The following THSD4 variants were observed in gnomAD, a reference collection of about 807,000 sequenced individuals.
The protein encoded by THSD4 is thrombospondin type 1 domain containing 4.
Under a neutral mutation model 119.0 loss-of-function variants are expected in THSD4, and 69 were observed. The ratio of observed to expected loss-of-function variants is 0.58; its 90% CI spans 0.48 to 0.71. The LOEUF is 0.71. THSD4 is among the 30% of genes least tolerant of loss of function. THSD4 has a pLI of 0.00. For synonymous variants in THSD4, 524 were observed against 540.4 expected, an observed-to-expected ratio of 0.97 and a Z score of 0.42; for missense variants, 1,393 against 1,391.1, an observed-to-expected ratio of 1.00 and a Z score of -0.02.
At chr15:71,242,576 G>A (rs773540814) in intron 4 of THSD4, 73 bp from the exon 5 acceptor site, 58 of 1,513,708 alleles carry the variant, frequency 3.8e-5, no homozygotes, top group East Asian at 1.4e-4. Context: ...TCTCTACCAC[G>A]GACCAGAGCT....
chr15:71,161,831 G>A (rs1309676751), intron 3 of THSD4, among the ~76,000 whole-genome samples: 2 of 151,634 alleles, frequency 1.3e-5, no homozygotes, highest in Non-Finnish European at 1.5e-5. Context: ...TTCCTTGCTT[G>A]TTTACATGTG....
At chr15:71,579,136 C>T (rs948192652) in intron 7 of THSD4, among the ~76,000 whole-genome samples, 4 of 152,184 alleles carry the variant, frequency 2.6e-5, no homozygotes, top group African/African-American at 9.7e-5. Context: ...AGTGCATTAA[C>T]TTTTTAATCA....
At position 71,477,081 on chromosome 15, in the gene THSD4, A is replaced by G. The variant is rs1021102506; in HGVS notation, c.1152+65258A>G. On this transcript the variant is annotated intron_variant, in intron 7 of 17. Transcript: ENST00000261862. ...GCACTGTTCACCAAGGTAAACATAC[A>G]GATAATTTGCAGTACAGTTCCTGAT... Among the ~76,000 whole-genome samples, 4 of 152,334 alleles carry G rather than the reference A, an allele frequency of 2.6e-5. No homozygotes were observed. The South Asian group carries it at 6.2e-4, about 24-fold the overall frequency.
In THSD4 at chr15:71,228,534, G is replaced by T. The variant is rs569931545; in HGVS notation, c.464+13135G>T. The stretch of plus-strand genomic sequence containing the variant: ...TACAGAAACTAATGCACTGTAAGAG[G>T]CTCTGAGCTAAACCTCATAGGACCC... On this transcript the variant is annotated intron_variant, in intron 4 of 17. Coordinates refer to ENST00000261862, the MANE Select transcript of THSD4 (RefSeq NM_024817.3). Among the ~76,000 whole-genome samples the T allele has an allele frequency of 3.6e-4, 55 of 152,324 alleles. 1 individual carries two copies. The highest frequency in any genetic ancestry group is 1.3e-3 in the African/African-American group (55 of 41,568).
intron 3 of THSD4, among the ~76,000 whole-genome samples, chr15:71,207,009 G>A (rs73433416): frequency 0.027 from 4,032 of 152,066 alleles, 188 homozygotes; most frequent in African/African-American, 0.093. Context: ...TCATGGTGTC[G>A]TTATAAGTTT....
At chr15:71,584,911 A>G (rs1368737967) in intron 7 of THSD4, among the ~76,000 whole-genome samples, 1 of 152,146 alleles carries the variant, frequency 6.6e-6, no homozygotes, top group African/African-American at 2.4e-5. Context: ...AAAACATCTT[A>G]TATCTATAAT....
chr15:71,473,261 T>C (rs1158215180), intron 7 of THSD4, among the ~76,000 whole-genome samples: 1 of 152,134 alleles, frequency 6.6e-6, no homozygotes, highest in Non-Finnish European at 1.5e-5. Flanking sequence ...TTTTGTTATG[T>C]TGCCCAGCCT....
At position 71,714,113 on chromosome 15, in the gene THSD4, C is replaced by T. The variant is rs913352977; in HGVS notation, c.1358-14436C>T. Among the ~76,000 whole-genome samples the T allele has an allele frequency of 2.0e-5, 3 of 152,064 alleles. No individual in the cohort carries two copies. The East Asian group carries it at 5.8e-4, about 29-fold the overall frequency. ...TGACATTATTTTTAATTGCAAAAAC[C>T]GTGATTACTTTTGCACCAACCTTAA... On this transcript the variant is annotated intron_variant, in intron 8 of 17. Coordinates refer to ENST00000261862, the MANE Select transcript of THSD4 (RefSeq NM_024817.3).
At chr15:71,132,505 TAAAC>T (rs1048341783) in intron 1 of THSD4, among the ~76,000 whole-genome samples, 12 of 152,272 alleles carry the variant, frequency 7.9e-5, no homozygotes, top group African/African-American at 2.6e-4. Context: ...ATAGAAAAAA[TAAAC>T]AAGAACATCA....
chr15:71,666,748 G>A (rs781031961), intron 8 of THSD4, among the ~76,000 whole-genome samples: 11 of 152,152 alleles, frequency 7.2e-5, no homozygotes, highest in Admixed American at 2.6e-4. Flanking sequence ...AATAGAAAAC[G>A]GAGGCATGTA....
At chr15:71,174,329 C>T (rs1231280931) in intron 3 of THSD4, among the ~76,000 whole-genome samples, 2 of 151,826 alleles carry the variant, frequency 1.3e-5, no homozygotes, top group Admixed American at 6.6e-5. Context: ...ACCTGGGAAG[C>T]GCAAGGGGTC....
At chr15:71,490,761 T>C (rs1269553004) in intron 7 of THSD4, among the ~76,000 whole-genome samples, 1 of 152,160 alleles carries the variant, frequency 6.6e-6, no homozygotes, top group South Asian at 2.1e-4. Flanking sequence ...TAAGTTGTAC[T>C]ATACAGGTTG....
intron 7 of THSD4, among the ~76,000 whole-genome samples, chr15:71,629,330 G>C (rs530776980): frequency 1.3e-5 from 2 of 152,242 alleles, no homozygotes; most frequent in East Asian, 3.9e-4. Context: ...CCTCATCTAG[G>C]GGGCAGGGCG....
Position 71,293,139 on chromosome 15 carries a change from C to T in THSD4, c.1015+36424C>T, listed in dbSNP as rs533608791. Among the ~76,000 whole-genome samples the T allele has an allele frequency of 8.5e-5, 13 of 152,290 alleles. No homozygotes were observed. In the South Asian group the frequency reaches 1.0e-3, roughly 12 times the overall value. On this transcript the variant is annotated intron_variant, in intron 6 of 17. Transcript: ENST00000261862. ...CATATTGGACAGGTCGAAAGTTCTA[C>T]GTGCATGTGCTGCAGATGCCCTGTG...
chr15:71,319,657 A>G (rs924030186), intron 6 of THSD4, among the ~76,000 whole-genome samples: 1 of 152,028 alleles, frequency 6.6e-6, no homozygotes. Context: ...ATTGATGGAC[A>G]TTTGGGTTAG....
chr15:71,241,208 G>T (rs1301624904), intron 4 of THSD4, among the ~76,000 whole-genome samples: 1 of 152,194 alleles, frequency 6.6e-6, no homozygotes, highest in East Asian at 1.9e-4. Context: ...AATTATTATG[G>T]AAGCATATAA....
chr15:71,321,188 T>C (rs981803632), intron 6 of THSD4, among the ~76,000 whole-genome samples: 1 of 152,182 alleles, frequency 6.6e-6, no homozygotes, highest in Non-Finnish European at 1.5e-5. Flanking sequence ...TTGACTGAAA[T>C]AACCAGAGCT....
At chr15:71,191,904 CTTTTTT>C (rs11452105) in intron 3 of THSD4, among the ~76,000 whole-genome samples, 76,557 of 142,470 alleles carry the variant, frequency 0.54, 22,899 homozygotes, top group Middle Eastern at 0.7. Flanking sequence ...TCTTCTTCTT[CTTTTTT>C]TTTTTTTTTT....
chr15:71,589,139 A>G (rs997184291), intron 7 of THSD4, among the ~76,000 whole-genome samples: 1 of 152,210 alleles, frequency 6.6e-6, no homozygotes, highest in Non-Finnish European at 1.5e-5. Context: ...AGGTCTGAAT[A>G]TATATCCGAG....
Sources: allele counts gnomAD v4.1 joint callset (sites outside exome capture counted in the v4.1 genomes callset), GRCh38; gene constraint gnomAD v4.1.1; transcripts MANE v1.5; gene names NCBI Gene and HGNC (gene_info 2026-07-23, HGNC 2026-07-21).